The following GCA variants were observed in gnomAD, a reference collection of about 807,000 sequenced individuals.
GCA encodes grancalcin.
A neutral mutation model predicts 32.6 loss-of-function variants in GCA; 30 were observed. The ratio of observed to expected loss-of-function variants is 0.92; its 90% CI spans 0.69 to 1.25. The LOEUF (loss-of-function observed/expected upper bound fraction) is 1.25. Ranked by LOEUF, GCA falls within the 50% of genes most tolerant of loss-of-function variation. GCA has a pLI of 0.00. For synonymous variants in GCA, 102 were observed against 84.6 expected (o/e 1.21, Z -1.13); for missense variants, 291 against 266.8 (o/e 1.09, Z -0.63).
At chr2:162,353,372 G>A (rs540193177) in intron 3 of GCA, among the ~76,000 whole-genome samples, 85 of 152,278 alleles carry the variant, frequency 5.6e-4, no homozygotes, top group African/African-American at 2.0e-3. Context: ...GGAGACTGAG[G>A]CAGGAGAATT....
At chr2:162,372,886 T>C (rs1172110921), downstream of GCA, among the ~76,000 whole-genome samples, 1 of 152,180 alleles carries the variant, frequency 6.6e-6, no homozygotes, top group African/African-American at 2.4e-5. Flanking sequence ...GATAAAGGAC[T>C]CTTTAAATTG....
intron 1 of GCA, among the ~76,000 whole-genome samples, chr2:162,329,230 C>A (rs961684678): frequency 5.3e-5 from 8 of 152,116 alleles, no homozygotes; most frequent in Non-Finnish European, 1.2e-4. Context: ...AGGGATCATG[C>A]CCTCCTCTAC....
chr2:162,320,680 G>A (rs372412987), intron 1 of GCA, among the ~76,000 whole-genome samples: 4 of 152,068 alleles, frequency 2.6e-5, no homozygotes, highest in Non-Finnish European at 4.4e-5. Context: ...ATCATTCATT[G>A]TATCATCTAG....
At chr2:162,320,239 A>G (rs1400113646) in intron 1 of GCA, among the ~76,000 whole-genome samples, 1 of 152,032 alleles carries the variant, frequency 6.6e-6, no homozygotes, top group Non-Finnish European at 1.5e-5. Flanking sequence ...ACAGAACCCT[A>G]CTCCTTTTTC....
At chr2:162,373,620 C>A, downstream of GCA, 5 of 1,560,670 alleles carry the variant, frequency 3.2e-6, no homozygotes, top group Non-Finnish European at 3.5e-6. Context: ...TCTGCAGCAA[C>A]TGTAAGATGG....
intron 4 of GCA, among the ~76,000 whole-genome samples, chr2:162,369,382 G>A (rs1239401953): frequency 2.0e-5 from 3 of 152,020 alleles, no homozygotes; most frequent in Non-Finnish European, 2.9e-5. Context: ...AGGAAGGGAC[G>A]TTCCTAATCC....
upstream of GCA, among the ~76,000 whole-genome samples, chr2:162,342,574 C>T (rs925126233): frequency 2.6e-5 from 4 of 152,168 alleles, no homozygotes; most frequent in Non-Finnish European, 5.9e-5. Flanking sequence ...TGCTAGCAAA[C>T]GTACCCAAAC....
chr2:162,341,266 T>TA (rs1387698273), upstream of GCA, among the ~76,000 whole-genome samples: 4 of 109,396 alleles, frequency 3.7e-5, no homozygotes, highest in African/African-American at 8.7e-5. Flanking sequence ...TCTTATTTAT[T>TA]TTATATATAT....
At chr2:162,359,864 A>G (rs1340459621) in intron 7 of GCA, among the ~76,000 whole-genome samples, 3 of 151,210 alleles carry the variant, frequency 2.0e-5, no homozygotes, top group East Asian at 1.9e-4. Flanking sequence ...AGTTTACTGT[A>G]GTGATATTTT....
intron 3 of GCA, among the ~76,000 whole-genome samples, chr2:162,355,522 AC>A (rs1194506958): frequency 6.6e-6 from 1 of 152,084 alleles, no homozygotes; most frequent in East Asian, 1.9e-4. Context: ...GTAAATTTAA[AC>A]TGTACTAACG....
intron 1 of GCA, among the ~76,000 whole-genome samples, chr2:162,333,140 C>T (rs1190241098): frequency 6.6e-6 from 1 of 152,016 alleles, no homozygotes; most frequent in Non-Finnish European, 1.5e-5. Context: ...AACAGTTTTT[C>T]ATAGAATCAA....
Position 162,356,854 on chromosome 2 carries a change from G to T in GCA, c.403G>T (p.Gly135Ter), listed in dbSNP as rs753704592. Reference sequence around the variant, plus strand: ...AAACTTCATGACTGTTGATCAAGATGGAAGTGGCACAGTAGAACATCATGA... The same window carrying T: ...AAACTTCATGACTGTTGATCAAGATTGAAGTGGCACAGTAGAACATCATGA... ...KENFMTVDQD[G>*]SGTVEHHELR... The change falls in exon 5 of 8, where the codon GGA (glycine) becomes TGA (stop). Residue 135 changes from glycine (G) to a stop codon, truncating the protein, a stop_gained. Transcript: ENST00000437150. LOFTEE classifies it high-confidence loss of function. The T allele has an allele frequency of 5.0e-6, 8 of 1,610,434 alleles. No homozygotes were observed. Among genetic ancestry groups the T allele is most frequent in the South Asian group, 1.1e-5 (1 of 90,972 alleles).
At chr2:162,323,876 T>G (rs1378189298) in intron 1 of GCA, among the ~76,000 whole-genome samples, 1 of 150,774 alleles carries the variant, frequency 6.6e-6, no homozygotes, top group Non-Finnish European at 1.5e-5. Flanking sequence ...GGCTTAGGAT[T>G]GACTTGGCGA....
intron 5 of GCA, 74 bp downstream of exon 5, chr2:162,356,979 A>T: frequency 9.6e-7 from 1 of 1,041,560 alleles, no homozygotes; most frequent in Non-Finnish European, 1.4e-6. Context: ...TAATTGCTTC[A>T]ATTTACTAAC....
intron 1 of GCA, among the ~76,000 whole-genome samples, chr2:162,321,304 C>G (rs1683654631): frequency 6.6e-6 from 1 of 152,196 alleles, no homozygotes; most frequent in Non-Finnish European, 1.5e-5. Context: ...TTTTTCCTTT[C>G]TCTTTTGAGG....
intron 1 of GCA, among the ~76,000 whole-genome samples, chr2:162,323,332 C>T (rs1349757434): frequency 2.6e-5 from 4 of 151,764 alleles, no homozygotes; most frequent in South Asian, 2.1e-4. Flanking sequence ...GAGTAGGTTG[C>T]GAAAATTTTC....
chr2:162,359,766 T>C (rs1437019661), intron 7 of GCA, among the ~76,000 whole-genome samples: 2 of 151,224 alleles, frequency 1.3e-5, no homozygotes, highest in African/African-American at 4.8e-5. Context: ...TGCTTTTCAA[T>C]TTTTATGACA....
Position 162,362,043 on chromosome 2 carries a change from G to A in GCA, c.*1800G>A, listed in dbSNP as rs935692078. On this transcript the variant is annotated 3_prime_UTR_variant, in exon 8 of 8. Coordinates refer to ENST00000437150, the MANE Select transcript of GCA (RefSeq NM_012198.5). ...TTCTGCCAGGTGACACTCTATATTA[G>A]AACTCTTTAACACAATTTTCATTTA... The A allele has an allele frequency of 4.1e-6, 4 of 983,378 alleles. No individual in the cohort carries two copies. Among genetic ancestry groups the A allele is most frequent in the Admixed American group, 6.2e-5 (1 of 16,102 alleles). The allele number at this position is 983,378 out of a possible 1,614,324, so 60.9% of individuals were successfully genotyped here. A position where few individuals can be genotyped will look rare whatever the true frequency, so the allele number is the denominator to read the frequency against.
intron 1 of GCA, among the ~76,000 whole-genome samples, chr2:162,336,777 C>T (rs1410184950): frequency 6.6e-6 from 1 of 152,098 alleles, no homozygotes; most frequent in African/African-American, 2.4e-5. Context: ...TTTTGGTTTA[C>T]CTTACAGAAC....
Sources: gnomAD v4.1 joint callset for allele counts (sites outside exome capture counted in the v4.1 genomes callset) on GRCh38, gnomAD v4.1.1 for gene constraint, MANE v1.5 for transcripts, NCBI Gene and HGNC (gene_info 2026-07-23, HGNC 2026-07-21) for gene names.